STX3: variants seen among roughly 807,000 people sequenced by gnomAD.
STX3 encodes syntaxin 3.
In STX3, 19 loss-of-function variants were observed where a neutral mutation model predicts 40.2. That is an observed-to-expected ratio of 0.47 (90% CI 0.33 to 0.69). The LOEUF (loss-of-function observed/expected upper bound fraction) is 0.69, where lower values mean the gene tolerates loss of function less well. Ranked by LOEUF, STX3 falls within the 30% of genes least tolerant of loss-of-function variation. STX3 has a pLI of 0.02. For missense variants in STX3, 364 were observed against 366.7 expected (o/e 0.99, Z 0.06); for synonymous variants, 122 against 132.2 (o/e 0.92, Z 0.53).
At chr11:59,791,075 C>T (rs1865124555) in intron 5 of STX3, among the ~76,000 whole-genome samples, 1 of 152,020 alleles carries the variant, frequency 6.6e-6, no homozygotes, top group Non-Finnish European at 1.5e-5. Flanking sequence ...CTCTCAGCAT[C>T]AAAAGATCTC....
At position 59,805,453 on chromosome 11, in the gene STX3, A is replaced by T. The variant is rs1866055338; in HGVS notation, c.*4629A>T. The T allele has an allele frequency of 6.6e-6, 1 of 152,334 alleles. No homozygotes were observed. Among genetic ancestry groups the T allele is most frequent in the African/African-American group, 2.4e-5 (1 of 41,564 alleles). 9.4% of individuals were successfully genotyped at this position (152,334 alleles called of 1,614,324 possible). On this transcript the variant is annotated 3_prime_UTR_variant, in exon 11 of 11. Coordinates refer to ENST00000337979, the MANE Select transcript of STX3 (RefSeq NM_004177.5). ...AAGTGGGATTAAAAATATTTTGGTC[A>T]GTGCTGTTTTCTACCCACCTTCAAA...
chr11:59,765,848 C>T (rs1863256582), intron 1 of STX3, among the ~76,000 whole-genome samples: 1 of 152,124 alleles, frequency 6.6e-6, no homozygotes, highest in African/African-American at 2.4e-5. Flanking sequence ...CCAGGTGTGT[C>T]ATTGTTTCTT....
At chr11:59,757,339 G>T (rs1231747315) in intron 1 of STX3, among the ~76,000 whole-genome samples, 2 of 152,132 alleles carry the variant, frequency 1.3e-5, no homozygotes, top group Non-Finnish European at 2.9e-5. Flanking sequence ...CCATAAAAAA[G>T]TACAAAACTG....
chr11:59,804,864 T>C lies in STX3; in HGVS notation c.*4040T>C, dbSNP rs1866018330. ...CTCACTTCACCTCTCACCTGATTTGTGTTGCTAGCTGAAACTGCTGGCCAG... is the reference window on the plus strand; with the variant it reads ...CTCACTTCACCTCTCACCTGATTTGCGTTGCTAGCTGAAACTGCTGGCCAG... On this transcript the variant is annotated 3_prime_UTR_variant, in exon 11 of 11. Coordinates refer to ENST00000337979, the MANE Select transcript of STX3 (RefSeq NM_004177.5). The C allele has an allele frequency of 6.6e-6, 1 of 152,242 alleles. No homozygotes were observed. Among genetic ancestry groups the C allele is most frequent in the Non-Finnish European group, 1.5e-5 (1 of 68,060 alleles). 9.4% of individuals were successfully genotyped at this position (152,242 alleles called of 1,614,324 possible).
At chr11:59,758,825 C>T (rs1862873337) in intron 1 of STX3, among the ~76,000 whole-genome samples, 1 of 152,182 alleles carries the variant, frequency 6.6e-6, no homozygotes, top group Non-Finnish European at 1.5e-5. Context: ...ATTCAGCAAA[C>T]ATTTGCTGAG....
Position 59,803,330 on chromosome 11 carries a change from T to C in STX3, c.*2506T>C. 1 of 1,218,566 alleles carries C rather than the reference T, an allele frequency of 8.2e-7. No homozygotes were observed. The allele number at this position is 1,218,566 out of a possible 1,614,324, so 75.5% of individuals were successfully genotyped here. On this transcript the variant is annotated 3_prime_UTR_variant, in exon 11 of 11. Coordinates refer to ENST00000337979, the MANE Select transcript of STX3 (RefSeq NM_004177.5). ...GCCATCTGTGGGGAGGGTCAGACCT[T>C]CTTTCACTGACTTGAAACCTTTGTG... is the stretch of plus-strand genomic sequence containing the variant.
intron 1 of STX3, among the ~76,000 whole-genome samples, chr11:59,756,178 G>T (rs1862707545): frequency 6.6e-6 from 1 of 151,796 alleles, no homozygotes; most frequent in Admixed American, 6.6e-5. Flanking sequence ...CCCCTCCCCC[G>T]CCGTATCTTT....
chr11:59,793,995 T>C (rs899124510), intron 8 of STX3, among the ~76,000 whole-genome samples: 4 of 152,180 alleles, frequency 2.6e-5, no homozygotes, highest in Admixed American at 6.5e-5. Flanking sequence ...CCTCCTGATA[T>C]GGACTAGTTC....
intron 5 of STX3, among the ~76,000 whole-genome samples, chr11:59,791,460 C>A (rs1000162081): frequency 1.3e-5 from 2 of 152,056 alleles, no homozygotes; most frequent in African/African-American, 4.8e-5. Flanking sequence ...AAGCCGTTTA[C>A]AAGTGGGAAA....
chr11:59,781,885 A>G (rs1864406916), intron 2 of STX3, among the ~76,000 whole-genome samples: 1 of 152,250 alleles, frequency 6.6e-6, no homozygotes. Flanking sequence ...AAAAGGAGGG[A>G]TCATTTGACA....
chr11:59,789,253 C>CTTTT, intron 4 of STX3: 1 of 214,766 alleles, frequency 4.7e-6, no homozygotes, highest in Non-Finnish European at 9.3e-6. Flanking sequence ...ACTTGTCTCT[C>CTTTT]TTTTTTTTTT....
chr11:59,790,689 C>A, intron 5 of STX3, 103 bp downstream of exon 5: 2 of 865,288 alleles, frequency 2.3e-6, no homozygotes, highest in Non-Finnish European at 3.7e-6. Context: ...TATTTTGAAA[C>A]TCAATTTGAA....
chr11:59,787,996 G>A (rs149975944), intron 3 of STX3, among the ~76,000 whole-genome samples: 72 of 152,302 alleles, frequency 4.7e-4, no homozygotes, highest in Middle Eastern at 3.4e-3. Flanking sequence ...CAGCCAGCCT[G>A]TCTCCTGCCA....
intron 5 of STX3, among the ~76,000 whole-genome samples, chr11:59,791,189 G>A (rs888603190): frequency 6.6e-6 from 1 of 152,202 alleles, no homozygotes; most frequent in Non-Finnish European, 1.5e-5. Flanking sequence ...CAGGAGTGAG[G>A]CACGCACATA....
intron 2 of STX3, among the ~76,000 whole-genome samples, chr11:59,779,314 C>T (rs1326048053): frequency 6.6e-6 from 1 of 152,124 alleles, no homozygotes; most frequent in African/African-American, 2.4e-5. Context: ...TTGTGGACTG[C>T]CACCTTGCTG....
intron 2 of STX3, among the ~76,000 whole-genome samples, chr11:59,786,520 G>A (rs942030288): frequency 1.3e-5 from 2 of 151,670 alleles, no homozygotes; most frequent in Non-Finnish European, 2.9e-5. Context: ...AAAGTGCTGG[G>A]ATTACAGGCA....
At position 59,800,998 on chromosome 11, in the gene STX3, C is replaced by T; in HGVS notation, c.*174C>T. On this transcript the variant is annotated 3_prime_UTR_variant, in exon 11 of 11. Coordinates refer to ENST00000337979, the MANE Select transcript of STX3 (RefSeq NM_004177.5). ...GACCTGACTCAGCTAACAATCTAGC[C>T]CTGGGGGAATGTGATCTACCTGATG... 6.5e-7 allele frequency: 1 copy of T among 1,527,454 alleles called. No homozygotes were observed. Among genetic ancestry groups the T allele is most frequent in the Admixed American group, 2.0e-5 (1 of 50,600 alleles). The allele number at this position is 1,527,454 out of a possible 1,614,324, so 94.6% of individuals were successfully genotyped here.
chr11:59,789,104 T>C, intron 4 of STX3, 157 bp downstream of exon 4: 1 of 595,042 alleles, frequency 1.7e-6, no homozygotes, highest in Non-Finnish European at 2.9e-6. Flanking sequence ...AATGATCCAT[T>C]GTAGCCCCAG....
chr11:59,767,662 T>C (rs1020443805), intron 1 of STX3, among the ~76,000 whole-genome samples: 1 of 151,798 alleles, frequency 6.6e-6, no homozygotes, highest in African/African-American at 2.4e-5. Flanking sequence ...GACCAAACTT[T>C]GTTGTTGTTA....
Sources: allele counts gnomAD v4.1 joint callset (sites outside exome capture counted in the v4.1 genomes callset), GRCh38; gene constraint gnomAD v4.1.1; transcripts MANE v1.5; gene names NCBI Gene and HGNC (gene_info 2026-07-23, HGNC 2026-07-21).